PCNT: variants seen among roughly 807,000 people sequenced by gnomAD.
PCNT encodes pericentrin, also known as kendrin.
Under a neutral mutation model 380.4 loss-of-function variants are expected in PCNT, and 319 were observed. That is an observed-to-expected ratio of 0.84 (90% CI 0.77 to 0.92). The LOEUF (loss-of-function observed/expected upper bound fraction) is 0.92. Among genes scored for constraint, PCNT ranks in the 40% least tolerant of loss-of-function variants. The probability of loss-of-function intolerance (pLI) is 0.00; values close to 1 mark genes in which losing one functional copy is unlikely to be tolerated. For missense variants in PCNT, 4,400 were observed against 4,255.3 expected (o/e 1.03, Z -0.95); for synonymous variants, 1,845 against 1,735.2 (o/e 1.06, Z -1.57).
At chr21:46,374,200 G>A (rs2085256423) in intron 15 of PCNT, among the ~76,000 whole-genome samples, 1 of 152,102 alleles carries the variant, frequency 6.6e-6, no homozygotes, top group African/African-American at 2.4e-5. Context: ...GCTGGTTAGT[G>A]GGGTGCACGT....
intron 31 of PCNT, among the ~76,000 whole-genome samples, chr21:46,419,571 C>T (rs1404277375): frequency 1.3e-5 from 2 of 152,206 alleles, no homozygotes; most frequent in Non-Finnish European, 2.9e-5. Flanking sequence ...CCGCTGGGAG[C>T]GTGCGTCCCC....
At chr21:46,355,343 T>A in intron 11 of PCNT, 109 bp from the exon 12 acceptor site, 1 of 1,163,380 alleles carries the variant, frequency 8.6e-7, no homozygotes, top group South Asian at 1.2e-5. Flanking sequence ...ATGAACCTAG[T>A]GAGGTTTGAG....
intron 15 of PCNT, among the ~76,000 whole-genome samples, chr21:46,372,253 C>T (rs1051554941): frequency 1.3e-5 from 2 of 151,786 alleles, no homozygotes; most frequent in African/African-American, 4.8e-5. Flanking sequence ...ACATACACAG[C>T]ACATGTGCAC....
At chr21:46,414,993 GT>G (rs765870003) in intron 29 of PCNT, among the ~76,000 whole-genome samples, 16 of 152,252 alleles carry the variant, frequency 1.1e-4, no homozygotes, top group Non-Finnish European at 1.6e-4. Context: ...TGCTGGGCAG[GT>G]GTTTTATGGT....
At chr21:46,326,901 T>C (rs1374054002) in intron 2 of PCNT, among the ~76,000 whole-genome samples, 2 of 151,492 alleles carry the variant, frequency 1.3e-5, no homozygotes, top group Admixed American at 1.3e-4. Context: ...TAATCCCAGC[T>C]ACTCGGGAGG....
chr21:46,427,060 A>G (rs58468580), intron 33 of PCNT, among the ~76,000 whole-genome samples: 19,562 of 152,146 alleles, frequency 0.13, 3,529 homozygotes, highest in African/African-American at 0.41. Context: ...GCCCCTGGGG[A>G]CCAGCGGGTA....
intron 15 of PCNT, among the ~76,000 whole-genome samples, chr21:46,374,958 G>A (rs2085288772): frequency 6.6e-6 from 1 of 152,038 alleles, no homozygotes; most frequent in Admixed American, 6.6e-5. Flanking sequence ...TCCCCGCGGC[G>A]ATGCTTTATC....
In PCNT at chr21:46,390,658, G is replaced by A. The variant is rs986492132; in HGVS notation, c.3841-12G>A. On this transcript the variant is annotated splice_polypyrimidine_tract_variant and intron_variant, in intron 19 of 46. Transcript: ENST00000359568. ...TGATCTGGAGTTTTGATTTGCAAAT[G>A]TGTTTTAACAGCTGGAAGAAGCACG... 9 of 1,613,826 alleles carry A rather than the reference G, an allele frequency of 5.6e-6. No homozygotes were observed. Among genetic ancestry groups the A allele is most frequent in the South Asian group, 1.1e-5 (1 of 91,074 alleles).
At chr21:46,426,035 G>A (rs964889229) in intron 33 of PCNT, 64 bp downstream of exon 33, 28 of 1,468,864 alleles carry the variant, frequency 1.9e-5, no homozygotes, top group South Asian at 2.3e-5. Flanking sequence ...TAATGGCCGC[G>A]TCCTTAGGGC....
At position 46,443,973 on chromosome 21, in the gene PCNT, G is replaced by A. The variant is rs372782406; in HGVS notation, c.9839+25G>A. ...GGTCAGTGTGATGCCTTCAGGCCCC[G>A]TCTCCTGCCAGGGCTCTCCCTCCAG... is the stretch of plus-strand genomic sequence containing the variant. On this transcript the variant is annotated intron_variant, in intron 45 of 46. Transcript: ENST00000359568. The A allele has an allele frequency of 8.0e-5, 128 of 1,606,542 alleles. No homozygotes were observed. In the African/African-American group the frequency reaches 1.5e-3, roughly 18 times the overall value.
At chr21:46,412,739 G>A (rs571206067) in intron 28 of PCNT, 98 bp from the exon 29 acceptor site, 33 of 1,288,240 alleles carry the variant, frequency 2.6e-5, no homozygotes, top group Middle Eastern at 1.8e-4. Context: ...TGGCATCCCT[G>A]CTGGCTGCCG....
intron 35 of PCNT, among the ~76,000 whole-genome samples, chr21:46,429,799 C>A (rs1189601505): frequency 6.6e-6 from 1 of 152,014 alleles, no homozygotes; most frequent in Non-Finnish European, 1.5e-5. Flanking sequence ...TGTCTCCCGG[C>A]CAGGTGGGTG....
chr21:46,359,491 G>GTTTTTTTTTTTTTT lies in PCNT; in HGVS notation c.2154+2303_2154+2316dup, dbSNP rs1219693835. Among the ~76,000 whole-genome samples the GTTTTTTTTTTTTTT allele has an allele frequency of 3.2e-4, 21 of 66,074 alleles. 2 individuals are homozygous for GTTTTTTTTTTTTTT. Among genetic ancestry groups the GTTTTTTTTTTTTTT allele is most frequent in the Admixed American group, 5.9e-4 (3 of 5,074 alleles). 43.3% of individuals were successfully genotyped at this position (66,074 alleles called of 152,430 possible). A position where few individuals can be genotyped will look rare whatever the true frequency, so the allele number is the denominator to read the frequency against. ...CCAAAAATACACCTGTTTTTTTTTT[G>GTTTTTTTTTTTTTT]TTTTTTTTTTTTTTTTGAGACAGTG... On this transcript the variant is annotated intron_variant, in intron 13 of 46. Transcript: ENST00000359568.
Position 46,411,651 on chromosome 21 carries a change from G to T in PCNT, c.5578G>T (p.Glu1860Ter), listed in dbSNP as rs369195346. Residue 1860 changes from glutamate to a stop codon, truncating the protein, a stop_gained, in exon 28 of 47, where the codon GAA (glutamate) becomes TAA (stop). Coordinates refer to ENST00000359568, the MANE Select transcript of PCNT (RefSeq NM_006031.6). LOFTEE classifies it high-confidence loss of function. ...EDMASRIQEF[E>*]AALKAKEATI... ...CATGGCCTCCCGGATCCAGGAGTTCGAAGCGGCCCTGAAAGCAAAGGAAGC... is the reference window on the plus strand; with the variant it reads ...CATGGCCTCCCGGATCCAGGAGTTCTAAGCGGCCCTGAAAGCAAAGGAAGC... The T allele has an allele frequency of 6.8e-6, 11 of 1,612,948 alleles. No homozygotes were observed. The highest frequency in any genetic ancestry group is 4.0e-5 in the African/African-American group (3 of 74,936).
Position 46,349,779 on chromosome 21 carries a change from G to A in PCNT, c.1303G>A (p.Glu435Lys). 1.9e-6 allele frequency: 3 copies of A among 1,614,198 alleles called. No individual in the cohort carries two copies. Among genetic ancestry groups the A allele is most frequent in the Non-Finnish European group, 2.5e-6 (3 of 1,180,018 alleles). ...SEHGRCLEDL[E>K]FKFKESEKEK... ...GCACGGCCGGTGTTTAGAAGACTTG[G>A]AGTTCAAGTTCAAAGAGAGCGAGAA... The change falls in exon 8 of 47, where the codon GAG (glutamate) becomes AAG (lysine). Residue 435 changes from glutamate (E) to lysine (K), a missense_variant. Glu to Lys is a moderately conservative substitution (Grantham distance 56, BLOSUM62 1). Coordinates refer to ENST00000359568, the MANE Select transcript of PCNT (RefSeq NM_006031.6).
intron 41 of PCNT, among the ~76,000 whole-genome samples, chr21:46,439,252 G>A (rs1037750754): frequency 2.0e-5 from 3 of 151,420 alleles, no homozygotes; most frequent in African/African-American, 4.8e-5. Context: ...AGGCATCTCC[G>A]CCTGCCACAG....
intron 44 of PCNT, among the ~76,000 whole-genome samples, chr21:46,443,523 C>G (rs2053667095): frequency 6.6e-6 from 1 of 152,208 alleles, no homozygotes; most frequent in South Asian, 2.1e-4. Context: ...CCCTCCTGAG[C>G]CAGCTCCTCA....
chr21:46,389,715 T>G (rs147144486), intron 19 of PCNT, among the ~76,000 whole-genome samples: 6 of 152,370 alleles, frequency 3.9e-5, no homozygotes, highest in East Asian at 3.9e-4. Context: ...GAAAGGAAAT[T>G]TTTTGTAACC....
intron 25 of PCNT, among the ~76,000 whole-genome samples, chr21:46,400,666 C>T (rs892610358): frequency 6.6e-6 from 1 of 151,892 alleles, no homozygotes; most frequent in Non-Finnish European, 1.5e-5. Context: ...AGCACAGGCA[C>T]GCGCCACCAC....
Sources: allele counts gnomAD v4.1 joint callset (sites outside exome capture counted in the v4.1 genomes callset), GRCh38; gene constraint gnomAD v4.1.1; transcripts MANE v1.5; gene names NCBI Gene and HGNC (gene_info 2026-07-23, HGNC 2026-07-21).